Variants in RXRA observed in about 807,000 individuals in gnomAD.
The protein encoded by RXRA is retinoic acid receptor RXR-alpha.
Under a neutral mutation model 44.5 loss-of-function variants are expected in RXRA, and 5 were observed. The observed-to-expected ratio is 0.11, with a 90% CI of 0.06 to 0.24. The LOEUF (loss-of-function observed/expected upper bound fraction) is 0.24. Among genes scored for constraint, RXRA ranks in the 10% least tolerant of loss-of-function variants. RXRA has a pLI of 1.00. For synonymous variants in RXRA, 291 were observed against 271.4 expected (o/e 1.07, Z -0.71); for missense variants, 412 against 646.5 (o/e 0.64, Z 3.93).
At chr9:134,401,907 GA>G in intron 2 of RXRA, 25 bp downstream of exon 2, 1 of 1,548,260 alleles carries the variant, frequency 6.5e-7, no homozygotes. Flanking sequence ...GGGGCAAGGG[GA>G]GGGGGTGGGG....
rs530151140 is a variant in RXRA at position 134,367,657 on chromosome 9, G to C, written c.29-33975G>C. Among the ~76,000 whole-genome samples the C allele has an allele frequency of 5.3e-5, 8 of 152,350 alleles. No homozygotes were observed. The East Asian group carries it at 1.5e-3, about 29-fold the overall frequency. On this transcript the variant is annotated intron_variant, in intron 1 of 9. Transcript: ENST00000481739. The stretch of plus-strand genomic sequence containing the variant: ...GTGGGGTGGGCTTCCCTTTGTGGGG[G>C]CCTCAACTTGCCTGCCTGTGCAGGG...
intron 1 of RXRA, among the ~76,000 whole-genome samples, chr9:134,399,532 G>A (rs545652185): frequency 6.6e-6 from 1 of 152,288 alleles, no homozygotes; most frequent in African/African-American, 2.4e-5. Flanking sequence ...TGGGGATTCT[G>A]GATGTGGAGA....
At chr9:134,354,286 C>T (rs888346872) in intron 1 of RXRA, among the ~76,000 whole-genome samples, 1 of 152,226 alleles carries the variant, frequency 6.6e-6, no homozygotes, top group African/African-American at 2.4e-5. Flanking sequence ...CTCCCTTCTA[C>T]CGGGAGCTTA....
intron 1 of RXRA, among the ~76,000 whole-genome samples, chr9:134,354,905 G>A (rs1408002128): frequency 1.3e-5 from 2 of 152,240 alleles, no homozygotes; most frequent in Non-Finnish European, 2.9e-5. Context: ...GGGATGGAGG[G>A]ACTGAGAAGC....
At chr9:134,427,117 C>T (rs983421996) in intron 6 of RXRA, 8 of 983,870 alleles carry the variant, frequency 8.1e-6, no homozygotes, top group African/African-American at 3.5e-5. Context: ...GGGGCCTCTT[C>T]TAGATTAGAC....
At position 134,407,966 on chromosome 9, in the gene RXRA, A is replaced by G. The variant is rs542198289; in HGVS notation, c.280-183A>G. On this transcript the variant is annotated intron_variant, in intron 2 of 9. Coordinates refer to ENST00000481739, the MANE Select transcript of RXRA (RefSeq NM_002957.6). This position sits in a 1 kb window ranked among gnomAD's most constrained non-coding sequence, Gnocchi z 4.8. ...GCCACAGCCTCTGCTGGCCTTGCTG[A>G]GCAAGCACAGTGGCCCCGCTGCTCC... 4.6e-5 allele frequency among the ~76,000 whole-genome samples: 7 copies of G among 151,442 alleles called. No individual in the cohort carries two copies. In the South Asian group the frequency reaches 1.5e-3, roughly 32 times the overall value.
intron 1 of RXRA, among the ~76,000 whole-genome samples, chr9:134,395,997 G>A (rs141118613): frequency 4.6e-5 from 7 of 152,308 alleles, no homozygotes; most frequent in Admixed American, 4.6e-4. Context: ...TGCCCCTGCG[G>A]GGAGGCGGGA....
At position 134,439,804 on chromosome 9, in the gene RXRA, A is replaced by AC. The variant is rs1831700210; in HGVS notation, c.*3192dup. 6.6e-6 allele frequency: 1 copy of AC among 152,268 alleles called. No homozygotes were observed. Among genetic ancestry groups the AC allele is most frequent in the Non-Finnish European group, 1.5e-5 (1 of 68,056 alleles). The allele number at this position is 152,268 out of a possible 1,614,324, so 9.4% of individuals were successfully genotyped here. On this transcript the variant is annotated 3_prime_UTR_variant, in exon 10 of 10. Coordinates refer to ENST00000481739, the MANE Select transcript of RXRA (RefSeq NM_002957.6). ...GCCACCCAGGAAAGGCGGAGCGGTT[A>AC]CCAGTGTTTTGTGTTTATTTTTAAT...
At position 134,375,716 on chromosome 9, in the gene RXRA, G is replaced by A. The variant is rs1404769024; in HGVS notation, c.29-25916G>A. On this transcript the variant is annotated intron_variant, in intron 1 of 9. Coordinates refer to ENST00000481739, the MANE Select transcript of RXRA (RefSeq NM_002957.6). ...GTGGGTTGTCAGGGCTGGAGGAGAA[G>A]CCTGAGGGCTGGGGTGAGGGCGATT... 2.0e-5 allele frequency among the ~76,000 whole-genome samples: 3 copies of A among 152,136 alleles called. 1 individual carries two copies. Among genetic ancestry groups the A allele is most frequent in the Non-Finnish European group, 4.4e-5 (3 of 68,014 alleles).
chr9:134,356,604 CACCA>C (rs754028520), intron 1 of RXRA, among the ~76,000 whole-genome samples: 2 of 152,230 alleles, frequency 1.3e-5, no homozygotes, highest in Non-Finnish European at 2.9e-5. Flanking sequence ...TGTGTCTTAT[CACCA>C]AGAGATGGCC....
Position 134,424,205 on chromosome 9 carries a change from A to G in RXRA, c.910+2400A>G, listed in dbSNP as rs1047976388. ...GGGCACCTGCCTGTGGTCTCCCTGC[A>G]GCTGTCAGGTGGGGGCTCCCCGCAA... On this transcript the variant is annotated intron_variant, in intron 6 of 9. Transcript: ENST00000481739. 5.1e-6 allele frequency: 5 copies of G among 985,242 alleles called. No individual in the cohort carries two copies. The African/African-American group carries it at 8.7e-5, about 17-fold the overall frequency. The allele number at this position is 985,242 out of a possible 1,614,324, so 61.0% of individuals were successfully genotyped here.
intron 1 of RXRA, among the ~76,000 whole-genome samples, chr9:134,396,014 T>C (rs11103482): frequency 0.27 from 41,075 of 152,166 alleles, 9,513 homozygotes; most frequent in African/African-American, 0.63. Context: ...GGGAAACAGA[T>C]GTGCAGCAGG....
chr9:134,387,599 C>G (rs1047509145), intron 1 of RXRA, among the ~76,000 whole-genome samples: 14 of 152,266 alleles, frequency 9.2e-5, no homozygotes, highest in African/African-American at 3.4e-4. Context: ...GGTTTTGGAG[C>G]TGACACCTGA....
intron 1 of RXRA, among the ~76,000 whole-genome samples, chr9:134,371,219 G>A (rs553222052): frequency 6.6e-6 from 1 of 152,290 alleles, no homozygotes; most frequent in South Asian, 2.1e-4. Flanking sequence ...GGCTGAGTGG[G>A]GTCCTTGCTG....
chr9:134,377,284 C>T (rs888910863), intron 1 of RXRA, among the ~76,000 whole-genome samples: 1 of 152,182 alleles, frequency 6.6e-6, no homozygotes, highest in African/African-American at 2.4e-5. Context: ...AGCTGGCTGC[C>T]CTCCCTGGGC....
chr9:134,403,966 C>T (rs1588290450), intron 2 of RXRA: 1 of 152,364 alleles, frequency 6.6e-6, no homozygotes, highest in South Asian at 2.1e-4. Context: ...GTCTGAGGCC[C>T]ATGCTTGACT....
intron 6 of RXRA, among the ~76,000 whole-genome samples, chr9:134,427,423 T>C (rs1831453516): frequency 6.6e-6 from 1 of 152,150 alleles, no homozygotes; most frequent in Non-Finnish European, 1.5e-5. Context: ...TGTGACGGTA[T>C]TTCCAGCCCT....
chr9:134,336,532 T>C (rs1260825932), intron 1 of RXRA, among the ~76,000 whole-genome samples: 1 of 152,196 alleles, frequency 6.6e-6, no homozygotes, highest in African/African-American at 2.4e-5. Context: ...GCTGGAAGTG[T>C]GCCGCTGTGC....
rs1830193294 is a variant in RXRA, at chr9:134,349,346, TG to T, written c.28+22689del. On this transcript the variant is annotated intron_variant, in intron 1 of 9. Coordinates refer to ENST00000481739, the MANE Select transcript of RXRA (RefSeq NM_002957.6). The surrounding 1 kb of genome is among the most constrained non-coding windows in gnomAD (Gnocchi z 4.3). ...CCTGTTGGGCCGGGGCGCCTCGGCCTGGTGGAGGGCTTCGCCGAGCTTGGTG... is the reference window on the plus strand; with the variant it reads ...CCTGTTGGGCCGGGGCGCCTCGGCCTGTGGAGGGCTTCGCCGAGCTTGGTG... Among the ~76,000 whole-genome samples, 1 of 152,120 alleles carries T rather than the reference TG, an allele frequency of 6.6e-6. No individual in the cohort carries two copies. Among genetic ancestry groups the T allele is most frequent in the Non-Finnish European group, 1.5e-5 (1 of 68,000 alleles).
Sources: gnomAD v4.1 joint callset for allele counts (sites outside exome capture counted in the v4.1 genomes callset) on GRCh38, gnomAD v4.1.1 for gene constraint, Gnocchi (gnomAD v3.1) non-coding constraint, MANE v1.5 for transcripts, NCBI Gene and HGNC (gene_info 2026-07-23, HGNC 2026-07-21) for gene names.